ARG2: variants seen among roughly 807,000 people sequenced by gnomAD.
The protein encoded by ARG2 is arginase 2.
ARG2 carries 21 observed loss-of-function variants against 39.4 expected under a neutral mutation model. The ratio of observed to expected loss-of-function variants is 0.53; its 90% CI spans 0.38 to 0.77. The LOEUF (loss-of-function observed/expected upper bound fraction) is 0.77. Ranked by LOEUF, ARG2 falls within the 30% of genes least tolerant of loss-of-function variation. The pLI is 0.00. For missense variants in ARG2, 378 were observed against 426.2 expected, an observed-to-expected ratio of 0.89 and a Z score of 1.00; for synonymous variants, 150 against 156.7, an observed-to-expected ratio of 0.96 and a Z score of 0.32.
chr14:67,635,546 A>G (rs1471746010), intron 2 of ARG2, among the ~76,000 whole-genome samples: 1 of 152,230 alleles, frequency 6.6e-6, no homozygotes, highest in African/African-American at 2.4e-5. Context: ...ATTAGCAGTC[A>G]CATCCCTTTA....
At chr14:67,625,558 T>C (rs991593464) in intron 2 of ARG2, among the ~76,000 whole-genome samples, 10 of 151,538 alleles carry the variant, frequency 6.6e-5, no homozygotes, top group African/African-American at 2.4e-4. Flanking sequence ...TGCATGCCTG[T>C]AATCCCAACT....
At chr14:67,645,614 G>T in intron 3 of ARG2, 29 bp from the exon 4 acceptor site, 2 of 1,603,154 alleles carry the variant, frequency 1.2e-6, no homozygotes, top group Non-Finnish European at 1.7e-6. Context: ...CAAGCAGAGG[G>T]CCTTCAAGAT....
At chr14:67,629,646 G>A (rs1416293282) in intron 2 of ARG2, among the ~76,000 whole-genome samples, 3 of 152,006 alleles carry the variant, frequency 2.0e-5, no homozygotes, top group African/African-American at 2.4e-5. Flanking sequence ...CAGTCTTCTC[G>A]GCTCTTACTA....
intron 2 of ARG2, among the ~76,000 whole-genome samples, chr14:67,637,719 A>G (rs79449592): frequency 1.2e-3 from 187 of 152,320 alleles, no homozygotes; most frequent in African/African-American, 4.4e-3. Context: ...CAGTTATGTA[A>G]TTAACTAGAA....
intron 2 of ARG2, among the ~76,000 whole-genome samples, chr14:67,639,668 C>A (rs1306379242): frequency 6.6e-6 from 1 of 152,074 alleles, no homozygotes; most frequent in African/African-American, 2.4e-5. Flanking sequence ...TGCCTGTAAT[C>A]CCAGCACTTT....
rs781177424 is a variant in ARG2 at position 67,651,138 on chromosome 14, T to G, written c.*218T>G. 1 of 910,962 alleles carries G rather than the reference T, an allele frequency of 1.1e-6. No homozygotes were observed. The highest frequency in any genetic ancestry group is 1.6e-6 in the Non-Finnish European group (1 of 618,894). The allele number at this position is 910,962 out of a possible 1,614,324, so 56.4% of individuals were successfully genotyped here. A position where few individuals can be genotyped will look rare whatever the true frequency, so the allele number is the denominator to read the frequency against. On this transcript the variant is annotated 3_prime_UTR_variant, in exon 8 of 8. Coordinates refer to ENST00000261783, the MANE Select transcript of ARG2 (RefSeq NM_001172.4). ...TTCACAGGGTATTAATATGCTACAG[T>G]ACTATGTAAATTTAAAGAAGTCATA...
At chr14:67,620,854 CCTT>C in intron 1 of ARG2, 37 bp from the exon 2 acceptor site, 1 of 1,610,120 alleles carries the variant, frequency 6.2e-7, no homozygotes, top group Non-Finnish European at 8.5e-7. Flanking sequence ...TTTTCCGACA[CCTT>C]CTCTACCTCT....
Position 67,651,284 on chromosome 14 carries a change from C to T in ARG2, c.*364C>T. The T allele has an allele frequency of 1.3e-6, 2 of 1,597,898 alleles. No homozygotes were observed. The highest frequency in any genetic ancestry group is 1.7e-6 in the Non-Finnish European group (2 of 1,172,392). The stretch of plus-strand genomic sequence containing the variant: ...CCTGGCTATACAGTGCATCCTTGAA[C>T]TGTCAGCCCACAGCAGCAATATGCT... On this transcript the variant is annotated 3_prime_UTR_variant, in exon 8 of 8. Transcript: ENST00000261783.
At chr14:67,634,342 C>G (rs1158416206) in intron 2 of ARG2, among the ~76,000 whole-genome samples, 2 of 151,124 alleles carry the variant, frequency 1.3e-5, no homozygotes, top group African/African-American at 4.9e-5. Context: ...CCTGTAACCC[C>G]AGCACTTTGG....
chr14:67,639,986 A>T (rs539903139), intron 2 of ARG2, among the ~76,000 whole-genome samples: 1 of 151,274 alleles, frequency 6.6e-6, no homozygotes, highest in Admixed American at 6.6e-5. Context: ...CAACAGACAG[A>T]GGAAAGACTT....
Position 67,625,192 on chromosome 14 carries a change from G to A in ARG2, c.184+4226G>A, listed in dbSNP as rs374674847. ...AAAATCCCTATCTCACACCATATAT[G>A]AAAATTAACTCAAAATGGACCAAAG... On this transcript the variant is annotated intron_variant, in intron 2 of 7. Coordinates refer to ENST00000261783, the MANE Select transcript of ARG2 (RefSeq NM_001172.4). Among the ~76,000 whole-genome samples, 18 of 151,918 alleles carry A rather than the reference G, an allele frequency of 1.2e-4. No individual in the cohort carries two copies. In the East Asian group the frequency reaches 3.3e-3, roughly 28 times the overall value.
At chr14:67,634,619 G>T (rs924187002) in intron 2 of ARG2, among the ~76,000 whole-genome samples, 4 of 151,380 alleles carry the variant, frequency 2.6e-5, no homozygotes, top group Non-Finnish European at 5.9e-5. Context: ...AAGCTAGTAG[G>T]TAGTAATGAT....
chr14:67,637,196 G>T (rs2036980569), intron 2 of ARG2, among the ~76,000 whole-genome samples: 1 of 151,912 alleles, frequency 6.6e-6, no homozygotes, highest in Middle Eastern at 3.2e-3. Flanking sequence ...GATCACTTGA[G>T]GTCAGGAGTT....
intron 3 of ARG2, among the ~76,000 whole-genome samples, chr14:67,642,788 A>ATTTTTTTTTTTTTT (rs1169208904): frequency 3.0e-5 from 1 of 33,734 alleles, no homozygotes; most frequent in African/African-American, 8.4e-5. Flanking sequence ...ATGTTACTAC[A>ATTTTTTTTTTTTTT]TTTTCTTTTT....
chr14:67,642,802 T>TC (rs1333116190), intron 3 of ARG2, among the ~76,000 whole-genome samples: 2 of 124,706 alleles, frequency 1.6e-5, no homozygotes, highest in East Asian at 4.7e-4. Context: ...TCTTTTTTTT[T>TC]TTTTTTTTTT....
At chr14:67,625,703 A>T (rs902957215) in intron 2 of ARG2, among the ~76,000 whole-genome samples, 1 of 148,282 alleles carries the variant, frequency 6.7e-6, no homozygotes, top group African/African-American at 2.5e-5. Flanking sequence ...AAAAAAAAGA[A>T]ACTGGAAAGA....
At chr14:67,635,096 T>C (rs1352382446) in intron 2 of ARG2, among the ~76,000 whole-genome samples, 3 of 151,946 alleles carry the variant, frequency 2.0e-5, no homozygotes, top group Non-Finnish European at 2.9e-5. Flanking sequence ...AAATATAAAT[T>C]AGCCAGGTAT....
intron 3 of ARG2, among the ~76,000 whole-genome samples, chr14:67,644,862 G>A (rs1247496017): frequency 6.6e-6 from 1 of 152,060 alleles, no homozygotes; most frequent in East Asian, 1.9e-4. Context: ...GCCAGGCATG[G>A]TGGCATGTGC....
Position 67,645,629 on chromosome 14 carries a change from C to T in ARG2, c.363-14C>T, listed in dbSNP as rs766219021. On this transcript the variant is annotated splice_polypyrimidine_tract_variant and intron_variant, in intron 3 of 7. Coordinates refer to ENST00000261783, the MANE Select transcript of ARG2 (RefSeq NM_001172.4). Reference sequence around the variant, plus strand: ...CAAGCAGAGGGCCTTCAAGATTATACTTGTTCTTTGCAGCCTGGCAATCGG... The same window carrying T: ...CAAGCAGAGGGCCTTCAAGATTATATTTGTTCTTTGCAGCCTGGCAATCGG... 1 of 1,611,010 alleles carries T rather than the reference C, an allele frequency of 6.2e-7. No homozygotes were observed. The highest frequency in any genetic ancestry group is 8.5e-7 in the Non-Finnish European group (1 of 1,178,650).
Sources: allele counts gnomAD v4.1 joint callset (sites outside exome capture counted in the v4.1 genomes callset), GRCh38; gene constraint gnomAD v4.1.1; transcripts MANE v1.5; gene names NCBI Gene and HGNC (gene_info 2026-07-23, HGNC 2026-07-21).